Variants in USP42 observed in about 807,000 individuals in gnomAD.
USP42 encodes ubiquitin carboxyl-terminal hydrolase 42.
A neutral mutation model predicts 113.0 loss-of-function variants in USP42; 23 were observed. The ratio of observed to expected loss-of-function variants is 0.20; its 90% CI spans 0.15 to 0.29. USP42 has a LOEUF of 0.29. Among genes scored for constraint, USP42 ranks in the 10% least tolerant of loss-of-function variants. The probability of loss-of-function intolerance (pLI) is 1.00; values close to 1 mark genes in which losing one functional copy is unlikely to be tolerated. For synonymous variants in USP42, 933 were observed against 699.0 expected (o/e 1.33, Z -5.28); for missense variants, 2,174 against 1,779.8 (o/e 1.22, Z -3.99).
upstream of USP42, among the ~76,000 whole-genome samples, chr7:6,104,465 C>G (rs918124085): frequency 6.6e-6 from 1 of 152,268 alleles, no homozygotes; most frequent in Non-Finnish European, 1.5e-5. Context: ...GGGCGAAGCC[C>G]ACGAAGCGGA....
intron 3 of USP42, among the ~76,000 whole-genome samples, chr7:6,127,072 C>G (rs367590927): frequency 6.1e-4 from 93 of 152,316 alleles, no homozygotes; most frequent in African/African-American, 1.9e-3. Context: ...TTGCATTTCC[C>G]TAATGCTTAA....
intron 3 of USP42, among the ~76,000 whole-genome samples, chr7:6,132,421 G>A (rs974154345): frequency 1.3e-5 from 2 of 151,308 alleles, no homozygotes; most frequent in African/African-American, 4.9e-5. Flanking sequence ...GCAGTGTTGC[G>A]ATCTCAGCTC....
rs368655873 is a variant in USP42 at position 6,155,046 on chromosome 7, C to A, written c.3492C>A (p.His1164Gln). The A allele has an allele frequency of 7.7e-6, 12 of 1,563,304 alleles. No homozygotes were observed. Among genetic ancestry groups the A allele is most frequent in the Non-Finnish European group, 1.0e-5 (12 of 1,153,736 alleles). The change falls in exon 15 of 18, where the codon CAC becomes CAA. Residue 1164 changes from histidine (H) to glutamine (Q), a missense_variant. Physicochemically the swap from His to Gln is conservative, Grantham distance 24. Transcript: ENST00000306177. ...ATGGAAAGTCCCGGAAACGGAGACA[C>A]GACAGTGTGGAGAACAGTGACAGTC... The part of the protein sequence containing the change: ...HENGKSRKRR[H>Q]DSVENSDSHV...
At chr7:6,153,164 C>A (rs967408666) in intron 14 of USP42, 3 of 155,680 alleles carry the variant, frequency 1.9e-5, no homozygotes, top group East Asian at 3.8e-4. Context: ...TCCCAGCTAC[C>A]CGGGAAGCTG....
At chr7:6,103,754 AAC>A (rs1491179534), upstream of USP42, among the ~76,000 whole-genome samples, 3 of 149,000 alleles carry the variant, frequency 2.0e-5, no homozygotes, top group Non-Finnish European at 2.9e-5. Flanking sequence ...AAAAAAAAAA[AAC>A]AAAACTTAAA....
chr7:6,125,148 T>G (rs1049345108), intron 3 of USP42, among the ~76,000 whole-genome samples: 8 of 133,076 alleles, frequency 6.0e-5, no homozygotes, highest in African/African-American at 8.8e-5. Flanking sequence ...ACCACTGCAC[T>G]CCAGCCTGGG....
chr7:6,124,771 T>G (rs1041420989), intron 3 of USP42, among the ~76,000 whole-genome samples: 16 of 152,192 alleles, frequency 1.1e-4, no homozygotes, highest in Non-Finnish European at 2.4e-4. Flanking sequence ...CCTGCCTTCT[T>G]TTGGATTGAT....
intron 3 of USP42, among the ~76,000 whole-genome samples, chr7:6,131,662 G>A (rs528154493): frequency 2.0e-5 from 3 of 152,138 alleles, no homozygotes; most frequent in East Asian, 3.9e-4. Flanking sequence ...GGGCTTCCAG[G>A]TTGCTGACTT....
upstream of USP42, among the ~76,000 whole-genome samples, chr7:6,103,738 CAAAA>C (rs398066574): frequency 9.9e-6 from 1 of 100,916 alleles, no homozygotes. Context: ...CCCGTCTCTA[CAAAA>C]AAAAAAAAAA....
At chr7:6,094,788 C>CTTCCACTTG in the USP42 span, among the ~76,000 whole-genome samples, 1 of 149,582 alleles carries the variant, frequency 6.7e-6, no homozygotes, top group East Asian at 1.9e-4. Context: ...AGTTTCAGGG[C>CTTCCACTTG]TTCCACTTGT....
At chr7:6,149,305 C>T (rs55962331) in intron 12 of USP42, among the ~76,000 whole-genome samples, 4,640 of 152,250 alleles carry the variant, frequency 0.03, 104 homozygotes, top group Non-Finnish European at 0.049. Flanking sequence ...CTGCTGATTT[C>T]GATCAGATCT....
At chr7:6,092,499 C>A in the USP42 span, among the ~76,000 whole-genome samples, 2 of 150,922 alleles carry the variant, frequency 1.3e-5, no homozygotes, top group Non-Finnish European at 2.9e-5. Context: ...ATTTCAAGTG[C>A]CATTTCTGTT....
rs1781949316 is a variant in USP42, at chr7:6,150,044, CGAG to C, written c.1852_1854del (p.Glu618del). The C allele has an allele frequency of 6.2e-7, 1 of 1,610,600 alleles. No homozygotes were observed. The highest frequency in any genetic ancestry group is 8.5e-7 in the Non-Finnish European group (1 of 1,178,340). Reference sequence around the variant, plus strand: ...GCGCCGAGTCCTCTGAGGACTCTGACGAGGAGTCAAAGGGGCTGGGCAAGGAGA... The same window carrying C: ...GCGCCGAGTCCTCTGAGGACTCTGACGAGTCAAAGGGGCTGGGCAAGGAGA... On this transcript the variant is annotated inframe_deletion, in exon 13 of 18. Coordinates refer to ENST00000306177, the MANE Select transcript of USP42 (RefSeq NM_032172.3).
At chr7:6,136,949 C>T (rs937140586) in intron 4 of USP42, among the ~76,000 whole-genome samples, 4 of 151,692 alleles carry the variant, frequency 2.6e-5, no homozygotes, top group Non-Finnish European at 1.5e-5. Flanking sequence ...TAATTACAGT[C>T]TTAAAAGAAT....
chr7:6,103,761 CTT>C (rs1274691586), upstream of USP42, among the ~76,000 whole-genome samples: 1 of 124,134 alleles, frequency 8.1e-6, no homozygotes, highest in Admixed American at 7.9e-5. Context: ...AAAAACAAAA[CTT>C]AAAAAATTAG....
At chr7:6,096,958 C>G in the USP42 span, among the ~76,000 whole-genome samples, 1 of 148,728 alleles carries the variant, frequency 6.7e-6, no homozygotes, top group Non-Finnish European at 1.5e-5. Context: ...CAGTCTTCCT[C>G]TGTCATCCAT....
At chr7:6,101,320 C>T (rs1790121469), upstream of USP42, among the ~76,000 whole-genome samples, 1 of 151,164 alleles carries the variant, frequency 6.6e-6, no homozygotes, top group South Asian at 2.1e-4. Context: ...AAAATTCACC[C>T]CTTCCTGACA....
chr7:6,089,664 C>T, the USP42 span, among the ~76,000 whole-genome samples: 1 of 149,718 alleles, frequency 6.7e-6, no homozygotes, highest in African/African-American at 2.5e-5. Context: ...TCCTGAGTAG[C>T]TGGGATTACA....
chr7:6,149,387 A>G (rs1030550606), intron 12 of USP42, among the ~76,000 whole-genome samples, 196 bp from the exon 13 acceptor site: 3 of 152,070 alleles, frequency 2.0e-5, no homozygotes, highest in African/African-American at 7.2e-5. Context: ...ATTTATTGCC[A>G]GAAAACTAGG....
Sources: gnomAD v4.1 joint callset for allele counts (sites outside exome capture counted in the v4.1 genomes callset) on GRCh38, gnomAD v4.1.1 for gene constraint, MANE v1.5 for transcripts, NCBI Gene and HGNC (gene_info 2026-07-23, HGNC 2026-07-21) for gene names.